The following DTD1 variants were observed in gnomAD, a reference collection of about 807,000 sequenced individuals.
DTD1 encodes D-tyrosyl-tRNA deacylase 1 homolog.
DTD1 carries 13 observed loss-of-function variants against 25.6 expected under a neutral mutation model. The ratio of observed to expected loss-of-function variants is 0.51; its 90% CI spans 0.33 to 0.81. The LOEUF (loss-of-function observed/expected upper bound fraction) is 0.81, where lower values mean the gene tolerates loss of function less well. DTD1 is among the 30% of genes least tolerant of loss of function. The pLI is 0.02. For synonymous variants in DTD1, 110 were observed against 103.6 expected, an observed-to-expected ratio of 1.06 and a Z score of -0.37; for missense variants, 193 against 266.4, an observed-to-expected ratio of 0.72 and a Z score of 1.92.
At chr20:18,739,036 G>A (rs112807154) in intron 4 of DTD1, among the ~76,000 whole-genome samples, 1 of 151,746 alleles carries the variant, frequency 6.6e-6, no homozygotes, top group South Asian at 2.1e-4. Context: ...CTGCAGTGTG[G>A]CCTCAGGCCT....
chr20:18,627,548 G>A (rs2060764608), intron 3 of DTD1, among the ~76,000 whole-genome samples: 1 of 152,196 alleles, frequency 6.6e-6, no homozygotes, highest in Admixed American at 6.5e-5. Flanking sequence ...GCACGCAGCA[G>A]CCTCTGTGCT....
At chr20:18,731,692 A>G (rs1398494176) in intron 4 of DTD1, among the ~76,000 whole-genome samples, 1 of 152,120 alleles carries the variant, frequency 6.6e-6, no homozygotes. Flanking sequence ...TTCACTCCCT[A>G]CTACTTTCCC....
rs901921610 is a variant in DTD1 at position 18,763,411 on chromosome 20, C to G, written c.*71C>G. ...CCTGAAAAATTCAAGATGCTAAGCACCTACACTACTTTAAGAATTTGGAAC... is the reference window on the plus strand; with the variant it reads ...CCTGAAAAATTCAAGATGCTAAGCAGCTACACTACTTTAAGAATTTGGAAC... On this transcript the variant is annotated 3_prime_UTR_variant, in exon 6 of 6. Transcript: ENST00000377452. The G allele has an allele frequency of 6.6e-6, 1 of 152,616 alleles. No homozygotes were observed. Among genetic ancestry groups the G allele is most frequent in the Non-Finnish European group, 1.5e-5 (1 of 68,046 alleles). 9.5% of individuals were successfully genotyped at this position (152,616 alleles called of 1,614,324 possible). A position where few individuals can be genotyped will look rare whatever the true frequency, so the allele number is the denominator to read the frequency against.
intron 1 of DTD1, among the ~76,000 whole-genome samples, chr20:18,593,398 C>G (rs1023144871): frequency 3.4e-4 from 52 of 152,030 alleles, no homozygotes; most frequent in African/African-American, 1.2e-3. Context: ...GAGGAAAACA[C>G]AGTTCTGTTT....
intron 4 of DTD1, among the ~76,000 whole-genome samples, chr20:18,629,588 T>TGAA (rs1476391537): frequency 2.7e-4 from 41 of 150,506 alleles, no homozygotes; most frequent in Non-Finnish European, 4.2e-4. Flanking sequence ...CAGGCAAGAG[T>TGAA]CACCATGCCT....
At chr20:18,706,330 G>T (rs890329589) in intron 4 of DTD1, among the ~76,000 whole-genome samples, 1 of 152,194 alleles carries the variant, frequency 6.6e-6, no homozygotes, top group African/African-American at 2.4e-5. Context: ...CTCTTCGTTG[G>T]CACCTGGAAA....
intron 4 of DTD1, among the ~76,000 whole-genome samples, chr20:18,657,226 C>T (rs777376910): frequency 1.1e-4 from 16 of 152,160 alleles, no homozygotes; most frequent in Admixed American, 5.9e-4. Context: ...GAGCAGGATG[C>T]GCTGAGAGTG....
At chr20:18,747,709 A>G (rs1227195298) in intron 5 of DTD1, among the ~76,000 whole-genome samples, 1 of 152,088 alleles carries the variant, frequency 6.6e-6, no homozygotes, top group African/African-American at 2.4e-5. Flanking sequence ...TGGGACCTTA[A>G]CAACAGGTTC....
At chr20:18,650,411 C>T (rs2060869846) in intron 4 of DTD1, among the ~76,000 whole-genome samples, 1 of 152,154 alleles carries the variant, frequency 6.6e-6, no homozygotes, top group Non-Finnish European at 1.5e-5. Flanking sequence ...ACGGCCCCGT[C>T]CTCCCTGCCC....
At chr20:18,667,775 C>G (rs2060937349) in intron 4 of DTD1, among the ~76,000 whole-genome samples, 1 of 152,156 alleles carries the variant, frequency 6.6e-6, no homozygotes, top group East Asian at 1.9e-4. Flanking sequence ...ACAGAAAGCC[C>G]CCCACCTGAG....
At chr20:18,632,452 CCTCT>C (rs919600778) in intron 4 of DTD1, 6 of 985,302 alleles carry the variant, frequency 6.1e-6, no homozygotes, top group African/African-American at 3.5e-5. Flanking sequence ...GTGCCTGGGG[CCTCT>C]CTCTGCCTTT....
At position 18,621,786 on chromosome 20, in the gene DTD1, C is replaced by A. The variant is rs142965332; in HGVS notation, c.371-6341C>A. On this transcript the variant is annotated intron_variant, in intron 3 of 5. Coordinates refer to ENST00000377452, the MANE Select transcript of DTD1 (RefSeq NM_080820.6). Reference sequence around the variant, plus strand: ...ACTTTTTTAAAAAAATTTTTTTGGCCAGGCGTGGTGGCTCACGCCTGTAAT... The same window carrying A: ...ACTTTTTTAAAAAAATTTTTTTGGCAAGGCGTGGTGGCTCACGCCTGTAAT... Among the ~76,000 whole-genome samples, 779 of 151,914 alleles carry A rather than the reference C, an allele frequency of 5.1e-3. 9 individuals are homozygous for A. The highest frequency in any genetic ancestry group is 0.018 in the African/African-American group (744 of 41,418).
At chr20:18,742,636 C>G (rs2061282992) in intron 4 of DTD1, among the ~76,000 whole-genome samples, 1 of 152,194 alleles carries the variant, frequency 6.6e-6, no homozygotes, top group Admixed American at 6.5e-5. Flanking sequence ...AAACCATCCC[C>G]TCTTCTGTCC....
chr20:18,670,352 A>G (rs2060947604), intron 4 of DTD1, among the ~76,000 whole-genome samples: 1 of 152,200 alleles, frequency 6.6e-6, no homozygotes, highest in South Asian at 2.1e-4. Flanking sequence ...GCTACTTGGA[A>G]TGCTGAGGCA....
chr20:18,670,049 C>CT (rs1476599584), intron 4 of DTD1, among the ~76,000 whole-genome samples: 3 of 152,142 alleles, frequency 2.0e-5, no homozygotes, highest in Non-Finnish European at 4.4e-5. Flanking sequence ...TTCCTTCTTC[C>CT]TGCCCTCTTC....
intron 3 of DTD1, among the ~76,000 whole-genome samples, chr20:18,615,469 T>G (rs1308939939): frequency 6.6e-6 from 1 of 152,206 alleles, no homozygotes; most frequent in East Asian, 1.9e-4. Context: ...TTCAGGGATC[T>G]CCAGCCTTCA....
intron 4 of DTD1, among the ~76,000 whole-genome samples, chr20:18,694,352 G>A (rs531782333): frequency 6.6e-6 from 1 of 152,334 alleles, no homozygotes; most frequent in South Asian, 2.1e-4. Context: ...TGGGGAGACA[G>A]ATTAGTGCAG....
At chr20:18,608,595 C>T (rs1202156986) in intron 3 of DTD1, among the ~76,000 whole-genome samples, 1 of 152,166 alleles carries the variant, frequency 6.6e-6, no homozygotes, top group Non-Finnish European at 1.5e-5. Flanking sequence ...CTATAAGTTT[C>T]TCTTTTCCCC....
intron 1 of DTD1, among the ~76,000 whole-genome samples, 193 bp downstream of exon 1, chr20:18,588,308 G>A (rs2063213801): frequency 6.6e-6 from 1 of 152,136 alleles, no homozygotes; most frequent in South Asian, 2.1e-4. Flanking sequence ...CGGCCGGAGA[G>A]CCCCCTGCAC....
Sources: gnomAD v4.1 joint callset for allele counts (sites outside exome capture counted in the v4.1 genomes callset) on GRCh38, gnomAD v4.1.1 for gene constraint, MANE v1.5 for transcripts, NCBI Gene and HGNC (gene_info 2026-07-23, HGNC 2026-07-21) for gene names.